The following RPS6KC1 variants were observed in gnomAD, a reference collection of about 807,000 sequenced individuals.
RPS6KC1 encodes inactive ribosomal protein S6 kinase delta-1.
A neutral mutation model predicts 103.8 loss-of-function variants in RPS6KC1; 54 were observed. The ratio of observed to expected loss-of-function variants is 0.52; its 90% CI spans 0.42 to 0.65. The LOEUF is 0.65. RPS6KC1 is among the 30% of genes least tolerant of loss of function. RPS6KC1 has a pLI of 0.00. For missense variants in RPS6KC1, 1,151 were observed against 1,253.8 expected, an observed-to-expected ratio of 0.92 and a Z score of 1.24; for synonymous variants, 439 against 438.7, an observed-to-expected ratio of 1.00 and a Z score of -0.01.
At chr1:213,104,695 A>G in intron 4 of RPS6KC1, 126 bp downstream of exon 4, 2 of 484,560 alleles carry the variant, frequency 4.1e-6, no homozygotes, top group East Asian at 7.1e-5. Flanking sequence ...TAATAGCTCT[A>G]TAATAATGTT....
At chr1:213,756,863 G>C in the RPS6KC1 span, among the ~76,000 whole-genome samples, 1 of 151,808 alleles carries the variant, frequency 6.6e-6, no homozygotes, top group South Asian at 2.1e-4. Flanking sequence ...GCCTGCCTCG[G>C]CCCCCCCAAA....
the RPS6KC1 span, chr1:213,841,103 G>A: frequency 6.6e-6 from 1 of 152,118 alleles, no homozygotes; most frequent in African/African-American, 2.4e-5. Flanking sequence ...GCTCCACAGA[G>A]CCATTCCATA....
At chr1:213,253,711 A>G (rs570151007) in intron 12 of RPS6KC1, among the ~76,000 whole-genome samples, 7 of 152,290 alleles carry the variant, frequency 4.6e-5, no homozygotes, top group Admixed American at 3.3e-4. Flanking sequence ...TGATTTTAGT[A>G]TGTTGGAATC....
At chr1:213,428,427 C>CCCCTCCCTCCCTCCAT in the RPS6KC1 span, among the ~76,000 whole-genome samples, 1 of 71,562 alleles carries the variant, frequency 1.4e-5, no homozygotes, top group African/African-American at 4.2e-5. Flanking sequence ...CCCTTCCTCT[C>CCCCTCCCTCCCTCCAT]CCCTCCCTCC....
At chr1:213,773,137 C>T in the RPS6KC1 span, among the ~76,000 whole-genome samples, 8 of 151,708 alleles carry the variant, frequency 5.3e-5, no homozygotes, top group African/African-American at 1.9e-4. Context: ...AGGGAGCCAT[C>T]GCAGGCAGAG....
At chr1:213,501,010 G>C in the RPS6KC1 span, among the ~76,000 whole-genome samples, 1 of 152,160 alleles carries the variant, frequency 6.6e-6, no homozygotes, top group Non-Finnish European at 1.5e-5. Flanking sequence ...CTTAACCTGA[G>C]TGAATGGGTG....
chr1:213,670,394 G>C, the RPS6KC1 span, among the ~76,000 whole-genome samples: 3 of 152,200 alleles, frequency 2.0e-5, no homozygotes. Flanking sequence ...TGAGCAGTAG[G>C]GGGAAGAGCA....
the RPS6KC1 span, among the ~76,000 whole-genome samples, chr1:213,641,004 A>G: frequency 1.3e-5 from 2 of 151,444 alleles, no homozygotes; most frequent in African/African-American, 2.4e-5. Context: ...ATTATTTTGG[A>G]GCTCTGTTGT....
At position 213,212,230 on chromosome 1, in the gene RPS6KC1, C is replaced by G. The variant is rs953232266; in HGVS notation, c.1045-18267C>G. On this transcript the variant is annotated intron_variant, in intron 8 of 14. Coordinates refer to ENST00000366960, the MANE Select transcript of RPS6KC1 (RefSeq NM_012424.6). Reference sequence around the variant, plus strand: ...TACCCTAAAAATCTCTGTGCTCTGCCTGTTCATTCCCTGCCAACATGTGGT... The same window carrying G: ...TACCCTAAAAATCTCTGTGCTCTGCGTGTTCATTCCCTGCCAACATGTGGT... Among the ~76,000 whole-genome samples the G allele has an allele frequency of 2.6e-5, 4 of 152,124 alleles. 1 individual carries two copies. Among genetic ancestry groups the G allele is most frequent in the African/African-American group, 4.8e-5 (2 of 41,412 alleles).
the RPS6KC1 span, among the ~76,000 whole-genome samples, chr1:213,672,359 C>A: frequency 6.6e-6 from 1 of 152,246 alleles, no homozygotes; most frequent in Non-Finnish European, 1.5e-5. Flanking sequence ...CATTTTCAAA[C>A]ACATTTCAAT....
At chr1:213,059,854 A>T (rs1417690148) in intron 1 of RPS6KC1, among the ~76,000 whole-genome samples, 1 of 152,056 alleles carries the variant, frequency 6.6e-6, no homozygotes, top group East Asian at 1.9e-4. Context: ...TATGTGTTTA[A>T]TAGAGATGGG....
chr1:213,493,623 G>A, the RPS6KC1 span, among the ~76,000 whole-genome samples: 5 of 152,144 alleles, frequency 3.3e-5, no homozygotes, highest in South Asian at 6.2e-4. Flanking sequence ...GTATATAAGT[G>A]CCAACCTAAA....
At chr1:213,296,130 A>G in the RPS6KC1 span, among the ~76,000 whole-genome samples, 2 of 152,236 alleles carry the variant, frequency 1.3e-5, no homozygotes, top group African/African-American at 4.8e-5. Context: ...CAGAGTGGCC[A>G]CTGAAGTTCT....
At chr1:213,097,764 C>T (rs1207880713) in intron 3 of RPS6KC1, among the ~76,000 whole-genome samples, 1 of 152,192 alleles carries the variant, frequency 6.6e-6, no homozygotes, top group East Asian at 1.9e-4. Flanking sequence ...CTTGAAGCAG[C>T]CTCTACAGAT....
chr1:213,614,283 A>G, the RPS6KC1 span, among the ~76,000 whole-genome samples: 1 of 152,354 alleles, frequency 6.6e-6, no homozygotes, highest in African/African-American at 2.4e-5. Context: ...GACCTAGACC[A>G]GGAAAGGTGC....
the RPS6KC1 span, among the ~76,000 whole-genome samples, chr1:213,515,402 T>C: frequency 6.6e-6 from 1 of 152,352 alleles, no homozygotes; most frequent in East Asian, 1.9e-4. Context: ...GAATTAATTT[T>C]TGTATAAGGT....
intron 1 of RPS6KC1, 127 bp downstream of exon 1, chr1:213,051,636 G>A (rs1053739626): frequency 5.4e-5 from 36 of 661,154 alleles, no homozygotes; most frequent in Non-Finnish European, 8.5e-5. Context: ...TGCTCCTACT[G>A]GCGGGACTTG....
chr1:213,794,577 T>C, the RPS6KC1 span: 1 of 152,186 alleles, frequency 6.6e-6, no homozygotes, highest in Non-Finnish European at 1.5e-5. Flanking sequence ...AAAAATTCCA[T>C]TAAAAAATCA....
chr1:213,325,479 C>G, the RPS6KC1 span, among the ~76,000 whole-genome samples: 13 of 152,206 alleles, frequency 8.5e-5, no homozygotes, highest in Non-Finnish European at 1.5e-4. Context: ...GGGAATAGCC[C>G]CAGCAGGCAG....
Sources: gnomAD v4.1 joint callset for allele counts (sites outside exome capture counted in the v4.1 genomes callset) on GRCh38, gnomAD v4.1.1 for gene constraint, MANE v1.5 for transcripts, NCBI Gene and HGNC (gene_info 2026-07-23, HGNC 2026-07-21) for gene names.